Variants in PDE4A observed in about 807,000 individuals in gnomAD.
PDE4A encodes phosphodiesterase 4A.
Under a neutral mutation model 73.9 loss-of-function variants are expected in PDE4A, and 21 were observed. The observed-to-expected ratio is 0.28, with a 90% CI of 0.20 to 0.41. The LOEUF is 0.41. Ranked by LOEUF, PDE4A falls within the 10% of genes least tolerant of loss-of-function variation. The pLI is 1.00. For synonymous variants in PDE4A, 463 were observed against 505.4 expected (o/e 0.92, Z 1.13); for missense variants, 958 against 1,211.4 (o/e 0.79, Z 3.10).
Position 10,467,495 on chromosome 19 carries a change from G to C in PDE4A, c.2535G>C (p.Glu845Asp). Residue 845 changes from glutamate (E) to aspartate (D), a missense_variant, in exon 15 of 15, where the codon GAG becomes GAC. By Grantham distance (45) the Glu-to-Asp change is conservative. Around this residue, in one of 3 missense-constraint regions of PDE4A, gnomAD observed 243 missense variants for 245.9 expected, o/e 0.99. Coordinates refer to ENST00000380702, the MANE Select transcript of PDE4A (RefSeq NM_001111307.2). The part of the protein sequence containing the change: ...GLPGLPSTAA[E>D]VEAQREHQAA... ...CGGGCCTCCCCTCCACGGCGGCCGA[G>C]GTGGAGGCCCAACGAGAGCACCAGG... is the stretch of plus-strand genomic sequence containing the variant. 6.2e-7 allele frequency: 1 copy of C among 1,612,900 alleles called. No individual in the cohort carries two copies. Among genetic ancestry groups the C allele is most frequent in the South Asian group, 1.1e-5 (1 of 91,062 alleles).
rs984343545 is a variant in PDE4A, at chr19:10,458,421, C to T, written c.1101+319C>T. Among the ~76,000 whole-genome samples the T allele has an allele frequency of 5.3e-5, 8 of 152,156 alleles. No individual in the cohort carries two copies. The highest frequency in any genetic ancestry group is 4.1e-4 in the South Asian group (2 of 4,830). ...GAGGGATTGGTGTACACAGCAGTGA[C>T]GCTAATCCAGACTGTGCCCCCATAG... is the stretch of plus-strand genomic sequence containing the variant. On this transcript the variant is annotated intron_variant, in intron 8 of 14. Transcript: ENST00000380702. The surrounding 1 kb of genome is among the most constrained non-coding windows in gnomAD (Gnocchi z 4.6).
At chr19:10,443,314 G>A (rs1374836186) in intron 1 of PDE4A, among the ~76,000 whole-genome samples, 1 of 152,014 alleles carries the variant, frequency 6.6e-6, no homozygotes, top group Non-Finnish European at 1.5e-5. Context: ...TGAGGCCAAG[G>A]TGAGGGCATT....
chr19:10,421,249 G>A (rs1413230799), intron 1 of PDE4A, 165 bp downstream of exon 1: 1 of 985,244 alleles, frequency 1.0e-6, no homozygotes, highest in Non-Finnish European at 1.2e-6. Flanking sequence ...GCCCCTGGTT[G>A]TGCGCTCTAC....
chr19:10,421,061 C>G lies in PDE4A; in HGVS notation c.297C>G (p.Gly99=), dbSNP rs1324185943. 7 of 1,382,776 alleles carry G rather than the reference C, an allele frequency of 5.1e-6. No individual in the cohort carries two copies. Among genetic ancestry groups the G allele is most frequent in the African/African-American group, 1.5e-5 (1 of 65,592 alleles). 85.7% of individuals were successfully genotyped at this position (1,382,776 alleles called of 1,614,324 possible). A position where few individuals can be genotyped will look rare whatever the true frequency, so the allele number is the denominator to read the frequency against. ...SFHGTGTGSG[G]AGGGSSRRFE... ...ATGGCACTGGCACCGGCAGCGGCGG[C>G]GCGGGCGGAGGCAGCAGCAGGCGGT... Residue 99 remains glycine (G), a synonymous_variant, in exon 1 of 15, where the codon GGC becomes GGG. Coordinates refer to ENST00000380702, the MANE Select transcript of PDE4A (RefSeq NM_001111307.2).
chr19:10,438,979 A>G (rs1349630592), intron 1 of PDE4A, among the ~76,000 whole-genome samples: 2 of 152,120 alleles, frequency 1.3e-5, no homozygotes, highest in African/African-American at 4.8e-5. Context: ...GATATAACAC[A>G]TTTTGTTGAT....
intron 1 of PDE4A, among the ~76,000 whole-genome samples, chr19:10,437,662 C>G (rs943122015): frequency 5.3e-5 from 8 of 152,100 alleles, no homozygotes; most frequent in Non-Finnish European, 1.2e-4. Context: ...AAGTGATCCT[C>G]CCACCTCAGC....
At chr19:10,417,827 C>A (rs2042603059), upstream of PDE4A, 1 of 1,558,758 alleles carries the variant, frequency 6.4e-7, no homozygotes, top group Non-Finnish European at 8.6e-7. Flanking sequence ...CGCTGCTGAT[C>A]CCACCGCGGA....
rs773256814 is a variant in PDE4A at position 10,467,363 on chromosome 19, A to G, written c.2403A>G (p.Glu801=). The G allele has an allele frequency of 8.7e-6, 14 of 1,614,032 alleles. No individual in the cohort carries two copies. The highest frequency in any genetic ancestry group is 1.2e-5 in the Non-Finnish European group (14 of 1,180,030). Residue 801 remains glutamate, a synonymous_variant, in exon 15 of 15, where the codon GAA becomes GAG. Coordinates refer to ENST00000380702, the MANE Select transcript of PDE4A (RefSeq NM_001111307.2). ...VAPDEFSSRE[E]FVVAVSHSSP... ...CGGATGAGTTCTCGTCCCGGGAGGAATTCGTGGTTGCTGTAAGCCACAGCA... is the reference window on the plus strand; with the variant it reads ...CGGATGAGTTCTCGTCCCGGGAGGAGTTCGTGGTTGCTGTAAGCCACAGCA...
intron 6 of PDE4A, 45 bp downstream of exon 6, chr19:10,450,986 C>G: frequency 1.8e-4 from 227 of 1,277,248 alleles, no homozygotes; most frequent in Middle Eastern, 4.6e-4. Flanking sequence ...CAGGCGGGGG[C>G]GGGGCCAGTG....
In PDE4A at chr19:10,448,888, C is replaced by G. The variant is rs768490248; in HGVS notation, c.513-29C>G. 34 of 1,613,446 alleles carry G rather than the reference C, an allele frequency of 2.1e-5. No homozygotes were observed. In the African/African-American group the frequency reaches 4.3e-4, roughly 20 times the overall value. On this transcript the variant is annotated intron_variant, in intron 2 of 14. Coordinates refer to ENST00000380702, the MANE Select transcript of PDE4A (RefSeq NM_001111307.2). ...CCCAGACAGTTGCTTCTCTGCGGAC[C>G]CCTGACCTGCCTCTGTCCTCAATCA...
intron 2 of PDE4A, among the ~76,000 whole-genome samples, chr19:10,447,295 G>C (rs185124217): frequency 7.4e-6 from 1 of 135,900 alleles, no homozygotes; most frequent in Admixed American, 8.4e-5. Flanking sequence ...GTGCAATCTC[G>C]GCTCACTGCA....
intron 7 of PDE4A, 61 bp downstream of exon 7, chr19:10,454,983 CCCTGACCGTGGGT>C: frequency 6.5e-7 from 1 of 1,539,358 alleles, no homozygotes; most frequent in South Asian, 1.1e-5. Flanking sequence ...AGGGGGCTGC[CCCTGACCGTGGGT>C]CCTGTTGCTC....
upstream of PDE4A, chr19:10,420,086 A>G (rs1314721164): frequency 6.6e-6 from 1 of 151,700 alleles, no homozygotes; most frequent in East Asian, 1.9e-4. This position sits in a 1 kb window ranked among gnomAD's most constrained non-coding sequence, Gnocchi z 6.0. Context: ...GATCCCACAC[A>G]CTCTGCCGCC....
intron 14 of PDE4A, among the ~76,000 whole-genome samples, chr19:10,465,683 CTTTTTTTTTTTTTTTTTTT>C (rs749126870): frequency 2.1e-5 from 1 of 48,366 alleles, no homozygotes; most frequent in African/African-American, 8.1e-5. Flanking sequence ...GTGGCTTTAG[CTTTTTTTTTTTTTTTTTTT>C]TTTTTTTTTT....
chr19:10,421,349 G>A (rs2042649321), intron 1 of PDE4A: 2 of 984,918 alleles, frequency 2.0e-6, no homozygotes, highest in African/African-American at 1.7e-5. Flanking sequence ...TGGGGAAGGG[G>A]GCTGCACACT....
rs1234036698 is a variant in PDE4A, at chr19:10,451,739, C to T, written c.783+798C>T. ...ATGCTCCCATGTACAGTTGTGCAGA[C>T]GGTGCACTGCACAACTCCAGGGGAC... On this transcript the variant is annotated intron_variant, in intron 6 of 14. Transcript: ENST00000380702. 3.9e-5 allele frequency among the ~76,000 whole-genome samples: 6 copies of T among 152,008 alleles called. No homozygotes were observed. In the East Asian group the frequency reaches 1.2e-3, roughly 29 times the overall value.
rs1360040269 is a variant in PDE4A at position 10,467,384 on chromosome 19, C to T, written c.2424C>T (p.His808=). ...SREEFVVAVS[H]SSPSALALQS... ...AGGAATTCGTGGTTGCTGTAAGCCA[C>T]AGCAGCCCCTCTGCCCTGGCTCTTC... The change falls in exon 15 of 15, where the codon CAC becomes CAT. Residue 808 remains histidine (H), a synonymous_variant. Transcript: ENST00000380702. The T allele has an allele frequency of 5.6e-6, 9 of 1,614,204 alleles. No homozygotes were observed. Among genetic ancestry groups the T allele is most frequent in the African/African-American group, 1.3e-5 (1 of 75,062 alleles).
intron 1 of PDE4A, among the ~76,000 whole-genome samples, chr19:10,442,139 G>A (rs1021928248): frequency 1.3e-5 from 2 of 152,082 alleles, no homozygotes; most frequent in Non-Finnish European, 2.9e-5. Context: ...AGTGGAGAGG[G>A]AGAGAGGATA....
intron 1 of PDE4A, among the ~76,000 whole-genome samples, chr19:10,443,811 A>G (rs2042969036): frequency 4.6e-5 from 7 of 151,892 alleles, no homozygotes; most frequent in Admixed American, 4.6e-4. Context: ...GTTCGAAACC[A>G]GCCTGGCCAA....
Sources: gnomAD v4.1 joint callset for allele counts (sites outside exome capture counted in the v4.1 genomes callset) on GRCh38, gnomAD v4.1.1 for gene constraint, gnomAD v4.1.1 regional missense constraint, Gnocchi (gnomAD v3.1) non-coding constraint, MANE v1.5 for transcripts, NCBI Gene and HGNC (gene_info 2026-07-23, HGNC 2026-07-21) for gene names.